PABPC4L: variants seen among roughly 807,000 people sequenced by gnomAD.
PABPC4L encodes the protein polyadenylate-binding protein 4-like.
For synonymous variants in PABPC4L, 169 were observed against 164.1 expected, an observed-to-expected ratio of 1.03 and a Z score of -0.23; for missense variants, 452 against 451.4, an observed-to-expected ratio of 1.00 and a Z score of -0.01.
the PABPC4L span, among the ~76,000 whole-genome samples, chr4:133,967,022 T>C: frequency 1.3e-5 from 2 of 152,098 alleles, no homozygotes; most frequent in Non-Finnish European, 2.9e-5. Flanking sequence ...GAGATGTATG[T>C]AATTAAGGTA....
the PABPC4L span, among the ~76,000 whole-genome samples, chr4:134,163,643 T>C: frequency 2.6e-5 from 4 of 152,080 alleles, no homozygotes; most frequent in Admixed American, 1.3e-4. Context: ...ATAAAAAAGA[T>C]AATTACCATA....
the PABPC4L span, among the ~76,000 whole-genome samples, chr4:134,096,613 A>C: frequency 6.6e-6 from 1 of 151,932 alleles, no homozygotes; most frequent in African/African-American, 2.4e-5. Flanking sequence ...ACTATCTTCT[A>C]AAATAATATT....
chr4:134,034,988 A>C, the PABPC4L span, among the ~76,000 whole-genome samples: 2 of 141,194 alleles, frequency 1.4e-5, no homozygotes, highest in African/African-American at 5.3e-5. Flanking sequence ...CATGAAAGGA[A>C]GTCAGTTGAT....
chr4:134,195,606 T>G (rs1729632134), downstream of PABPC4L, among the ~76,000 whole-genome samples: 1 of 151,750 alleles, frequency 6.6e-6, no homozygotes, highest in Non-Finnish European at 1.5e-5. Context: ...TTGTACAAAT[T>G]ATGAATCTCT....
the PABPC4L span, among the ~76,000 whole-genome samples, chr4:134,070,212 G>A: frequency 2.0e-3 from 304 of 152,018 alleles, 4 homozygotes; most frequent in Non-Finnish European, 2.9e-3. Flanking sequence ...AGGTGCTCCC[G>A]TACCACTGAC....
the PABPC4L span, among the ~76,000 whole-genome samples, chr4:134,040,998 G>T: frequency 6.6e-6 from 1 of 152,118 alleles, no homozygotes; most frequent in Non-Finnish European, 1.5e-5. Context: ...GGTCATTAAA[G>T]AAATGTAAAT....
the PABPC4L span, among the ~76,000 whole-genome samples, chr4:134,017,009 C>A: frequency 1.3e-5 from 2 of 152,136 alleles, no homozygotes; most frequent in Admixed American, 6.6e-5. Flanking sequence ...AGAAGGCCAC[C>A]GCGGTCATTT....
Position 134,201,133 on chromosome 4 carries a change from C to T in PABPC4L, c.-114G>A. On this transcript the variant is annotated 5_prime_UTR_variant, in exon 2 of 2. Transcript: ENST00000421491. ...TCAAGTGTGGAGGCCTCGGGATCAC[C>T]ACACAAAGGCCAAGCAATGGAGTTC... 1.3e-6 allele frequency: 2 copies of T among 1,550,220 alleles called. No individual in the cohort carries two copies. Among genetic ancestry groups the T allele is most frequent in the Non-Finnish European group, 1.7e-6 (2 of 1,146,766 alleles).
chr4:134,088,104 T>A, the PABPC4L span, among the ~76,000 whole-genome samples: 1 of 152,010 alleles, frequency 6.6e-6, no homozygotes, highest in South Asian at 2.1e-4. Context: ...TCCTCTTACC[T>A]CACCGATCTC....
chr4:134,156,645 G>A, the PABPC4L span, among the ~76,000 whole-genome samples: 1 of 151,204 alleles, frequency 6.6e-6, no homozygotes, highest in Non-Finnish European at 1.5e-5. Flanking sequence ...ATTAGAATGG[G>A]GTATTTATTG....
the PABPC4L span, among the ~76,000 whole-genome samples, chr4:134,151,295 A>G: frequency 6.6e-6 from 1 of 152,140 alleles, no homozygotes. Flanking sequence ...ATAAAAAATA[A>G]AAAGAACACA....
chr4:134,037,679 T>A, the PABPC4L span, among the ~76,000 whole-genome samples: 1 of 152,156 alleles, frequency 6.6e-6, no homozygotes, highest in Admixed American at 6.5e-5. Flanking sequence ...TCATTAATCA[T>A]CATGGAAATG....
the PABPC4L span, among the ~76,000 whole-genome samples, chr4:134,088,361 G>A: frequency 1.3e-5 from 2 of 152,038 alleles, no homozygotes; most frequent in African/African-American, 2.4e-5. Flanking sequence ...GCTGGTAGAG[G>A]AAAAGTTTTT....
chr4:134,050,691 C>A, the PABPC4L span, among the ~76,000 whole-genome samples: 1 of 105,870 alleles, frequency 9.4e-6, no homozygotes, highest in Admixed American at 1.3e-4. Context: ...AGCAACAGAA[C>A]AAGACACCGT....
At chr4:134,092,176 C>T in the PABPC4L span, among the ~76,000 whole-genome samples, 1 of 151,938 alleles carries the variant, frequency 6.6e-6, no homozygotes, top group Non-Finnish European at 1.5e-5. Flanking sequence ...TAAATGAGAA[C>T]TCCACATCTT....
chr4:134,166,122 C>CAGA, the PABPC4L span, among the ~76,000 whole-genome samples: 1 of 152,122 alleles, frequency 6.6e-6, no homozygotes, highest in South Asian at 2.1e-4. Context: ...ACCACAGAGG[C>CAGA]AGAAGCCAGG....
chr4:134,091,104 C>A, the PABPC4L span, among the ~76,000 whole-genome samples: 9 of 152,028 alleles, frequency 5.9e-5, no homozygotes, highest in African/African-American at 1.9e-4. Flanking sequence ...ATAGAGAAGA[C>A]TGAGGTCATT....
chr4:134,073,837 G>A, the PABPC4L span, among the ~76,000 whole-genome samples: 1 of 152,160 alleles, frequency 6.6e-6, no homozygotes, highest in African/African-American at 2.4e-5. Flanking sequence ...CTGTACATTG[G>A]GCCATTTTAG....
At chr4:134,115,927 T>C in the PABPC4L span, among the ~76,000 whole-genome samples, 1 of 151,780 alleles carries the variant, frequency 6.6e-6, no homozygotes, top group Non-Finnish European at 1.5e-5. Flanking sequence ...GTAAATATTA[T>C]TTGTATAAAA....
Sources: gnomAD v4.1 joint callset for allele counts (sites outside exome capture counted in the v4.1 genomes callset) on GRCh38, gnomAD v4.1.1 for gene constraint, MANE v1.5 for transcripts, NCBI Gene and HGNC (gene_info 2026-07-23, HGNC 2026-07-21) for gene names.